Variants in EXOC6B observed in about 807,000 individuals in gnomAD.
EXOC6B encodes SEC15 homolog B.
Under a neutral mutation model 113.5 loss-of-function variants are expected in EXOC6B, and 54 were observed. The observed-to-expected ratio is 0.48, with a 90% CI of 0.38 to 0.60. The LOEUF is 0.60. Ranked by LOEUF, EXOC6B falls within the 20% of genes least tolerant of loss-of-function variation. The probability of loss-of-function intolerance (pLI) is 0.00; values close to 1 mark genes in which losing one functional copy is unlikely to be tolerated. For missense variants in EXOC6B, 797 were observed against 977.5 expected, an observed-to-expected ratio of 0.82 and a Z score of 2.46; for synonymous variants, 357 against 339.0, an observed-to-expected ratio of 1.05 and a Z score of -0.58.
intron 1 of EXOC6B, among the ~76,000 whole-genome samples, chr2:72,769,698 G>C (rs1375378941): frequency 6.6e-6 from 1 of 152,198 alleles, no homozygotes; most frequent in Non-Finnish European, 1.5e-5. Context: ...TGTAATCCCA[G>C]CTACTCGAGA....
At chr2:72,454,495 A>G (rs180724808) in intron 18 of EXOC6B, among the ~76,000 whole-genome samples, 141 of 152,268 alleles carry the variant, frequency 9.3e-4, no homozygotes, top group Non-Finnish European at 1.5e-3. Flanking sequence ...ACAGAGTGAG[A>G]CTATCTCAAC....
At chr2:72,412,795 A>G (rs1694261001) in intron 18 of EXOC6B, among the ~76,000 whole-genome samples, 1 of 152,168 alleles carries the variant, frequency 6.6e-6, no homozygotes, top group African/African-American at 2.4e-5. Flanking sequence ...GAAGTACTCC[A>G]GCTCATCATC....
chr2:72,683,737 C>T (rs74407884), intron 6 of EXOC6B, among the ~76,000 whole-genome samples: 7,235 of 152,094 alleles, frequency 0.048, 558 homozygotes, highest in African/African-American at 0.16. Flanking sequence ...GTAAATTGAC[C>T]TTTCTAAGCC....
chr2:72,554,691 G>A (rs1392356619), intron 8 of EXOC6B, among the ~76,000 whole-genome samples: 1 of 152,142 alleles, frequency 6.6e-6, no homozygotes, highest in African/African-American at 2.4e-5. Context: ...GTCTCAGGTA[G>A]TGTTCTTTTC....
intron 20 of EXOC6B, among the ~76,000 whole-genome samples, chr2:72,280,581 T>A (rs1473240495): frequency 1.3e-5 from 2 of 152,166 alleles, no homozygotes; most frequent in East Asian, 3.9e-4. Flanking sequence ...CCATTTTAAG[T>A]CACTAAACAA....
At chr2:72,490,411 C>T (rs1173999803) in intron 16 of EXOC6B, among the ~76,000 whole-genome samples, 1 of 152,032 alleles carries the variant, frequency 6.6e-6, no homozygotes, top group Non-Finnish European at 1.5e-5. Flanking sequence ...ATAAACTGCT[C>T]CACAAATGTT....
chr2:72,706,540 AT>A (rs914335115), intron 6 of EXOC6B, among the ~76,000 whole-genome samples: 1 of 151,804 alleles, frequency 6.6e-6, no homozygotes, highest in Non-Finnish European at 1.5e-5. Flanking sequence ...CCCAGATAAT[AT>A]TTTTTTTGTT....
chr2:72,516,939 T>C (rs530871325), intron 8 of EXOC6B, among the ~76,000 whole-genome samples: 1 of 152,356 alleles, frequency 6.6e-6, no homozygotes, highest in African/African-American at 2.4e-5. Flanking sequence ...TGCCACGCAA[T>C]ACCTAGTTTA....
intron 6 of EXOC6B, among the ~76,000 whole-genome samples, chr2:72,657,359 G>A (rs1009998378): frequency 6.0e-5 from 9 of 150,600 alleles, no homozygotes; most frequent in South Asian, 2.1e-4. Flanking sequence ...CCTAATAGCC[G>A]GGATTACAGG....
chr2:72,812,643 T>C (rs1685983672), intron 1 of EXOC6B, among the ~76,000 whole-genome samples: 1 of 152,080 alleles, frequency 6.6e-6, no homozygotes, highest in African/African-American at 2.4e-5. Context: ...TGAGCTAAGA[T>C]TGCACCACTG....
At chr2:72,224,994 G>GTGTGTATATA (rs908047817) in intron 20 of EXOC6B, among the ~76,000 whole-genome samples, 4 of 137,250 alleles carry the variant, frequency 2.9e-5, no homozygotes, top group Non-Finnish European at 6.4e-5. Context: ...GTGTGTGTGT[G>GTGTGTATATA]TATATATATA....
Position 72,519,796 on chromosome 2 carries a change from T to C in EXOC6B, c.916-4670A>G, listed in dbSNP as rs1248145800. On this transcript the variant is annotated intron_variant, in intron 8 of 21. Coordinates refer to ENST00000272427, the MANE Select transcript of EXOC6B (RefSeq NM_015189.3). ...TTCCAAGTGCCAAGTGTTTGGGAAC[T>C]GACATATTTGCGTCTATAGCTTAAG... 2.6e-5 allele frequency among the ~76,000 whole-genome samples: 4 copies of C among 152,154 alleles called. 1 individual carries two copies. Among genetic ancestry groups the C allele is most frequent in the African/African-American group, 9.7e-5 (4 of 41,434 alleles).
intron 6 of EXOC6B, among the ~76,000 whole-genome samples, chr2:72,717,215 T>G (rs1377571637): frequency 6.6e-6 from 1 of 152,150 alleles, no homozygotes; most frequent in African/African-American, 2.4e-5. Flanking sequence ...CAAATAGATA[T>G]TATAGATCAA....
At chr2:72,657,544 T>C (rs1208757518) in intron 6 of EXOC6B, among the ~76,000 whole-genome samples, 2 of 150,240 alleles carry the variant, frequency 1.3e-5, no homozygotes, top group African/African-American at 2.5e-5. Context: ...TCATTTAATA[T>C]TAGGTCTTTC....
At chr2:72,546,363 C>T (rs1042616903) in intron 8 of EXOC6B, among the ~76,000 whole-genome samples, 4 of 152,126 alleles carry the variant, frequency 2.6e-5, no homozygotes, top group East Asian at 1.9e-4. Context: ...GCAGGAGAAT[C>T]GCTTGAAATC....
intron 2 of EXOC6B, among the ~76,000 whole-genome samples, chr2:72,738,173 A>T (rs1037544699): frequency 7.9e-5 from 12 of 152,262 alleles, no homozygotes; most frequent in African/African-American, 2.9e-4. Flanking sequence ...GGGTTTCTCT[A>T]TGAAGTCATC....
At chr2:72,213,212 C>T (rs1680304335) in intron 20 of EXOC6B, among the ~76,000 whole-genome samples, 1 of 152,322 alleles carries the variant, frequency 6.6e-6, no homozygotes, top group East Asian at 1.9e-4. Flanking sequence ...TGAAGCCATC[C>T]TGGTATTTAA....
At chr2:72,775,023 G>C (rs1010367523) in intron 1 of EXOC6B, among the ~76,000 whole-genome samples, 3 of 152,130 alleles carry the variant, frequency 2.0e-5, no homozygotes, top group African/African-American at 7.2e-5. Flanking sequence ...AATGGAAGAG[G>C]TGCATAGGGA....
At chr2:72,380,361 C>A (rs1691607847) in intron 18 of EXOC6B, among the ~76,000 whole-genome samples, 1 of 152,100 alleles carries the variant, frequency 6.6e-6, no homozygotes. Context: ...TAATTATGGC[C>A]AGGAGCGGTG....
Sources: allele counts gnomAD v4.1 joint callset (sites outside exome capture counted in the v4.1 genomes callset), GRCh38; gene constraint gnomAD v4.1.1; transcripts MANE v1.5; gene names NCBI Gene and HGNC (gene_info 2026-07-23, HGNC 2026-07-21).